Variants in ZC3H4 observed in about 807,000 individuals in gnomAD.
ZC3H4 encodes the protein zinc finger CCCH-type containing 4, also known as zinc finger CCCH domain-containing protein 4.
A neutral mutation model predicts 108.3 loss-of-function variants in ZC3H4; 13 were observed. The observed-to-expected ratio is 0.12, with a 90% confidence interval of 0.08 to 0.19. ZC3H4 has a LOEUF of 0.19. Ranked by LOEUF, ZC3H4 falls within the 10% of genes least tolerant of loss-of-function variation. ZC3H4 has a pLI of 1.00. For missense variants in ZC3H4, 1,734 were observed against 1,838.8 expected (o/e 0.94, Z 1.04); for synonymous variants, 917 against 749.6 (o/e 1.22, Z -3.65).
intron 14 of ZC3H4, among the ~76,000 whole-genome samples, chr19:47,068,861 A>C (rs2057269750): frequency 6.6e-6 from 1 of 151,584 alleles, no homozygotes; most frequent in Non-Finnish European, 1.5e-5. Context: ...CCTCCATCCT[A>C]CTCCATGGGA....
In ZC3H4 at chr19:47,072,050, C is replaced by T; in HGVS notation, c.1874G>A (p.Gly625Asp). 6.3e-7 allele frequency: 1 copy of T among 1,584,328 alleles called. No homozygotes were observed. Among genetic ancestry groups the T allele is most frequent in the Non-Finnish European group, 8.6e-7 (1 of 1,165,038 alleles). The change falls in exon 13 of 15, where the codon GGC becomes GAC. Residue 625 changes from glycine (G) to aspartate (D), a missense_variant. Gly to Asp is a moderately conservative substitution (Grantham distance 94). Transcript: ENST00000253048. The surrounding 1 kb of genome is among the most constrained non-coding windows in gnomAD (Gnocchi z 5.6). ...GTGCATGTCAGGATGCATTGGACCG[C>T]CCATTGGCCCTGGGGGTCCCATGTT... ...GPNMGPPGPM[G>D]GPMHPDMHPD...
intron 13 of ZC3H4, among the ~76,000 whole-genome samples, chr19:47,070,389 G>A (rs781339829): frequency 5.3e-5 from 8 of 152,168 alleles, no homozygotes; most frequent in East Asian, 3.8e-4. Flanking sequence ...CCAGACAGCC[G>A]AGGGTCCCCC....
chr19:47,083,845 A>C (rs1482642735), intron 9 of ZC3H4, among the ~76,000 whole-genome samples: 1 of 152,182 alleles, frequency 6.6e-6, no homozygotes, highest in East Asian at 1.9e-4. Context: ...CTGGGGTAAG[A>C]AGCTGCCGGC....
intron 2 of ZC3H4, chr19:47,097,109 C>T (rs1206968658): frequency 3.4e-6 from 2 of 584,730 alleles, no homozygotes; most frequent in Non-Finnish European, 4.3e-6. Flanking sequence ...AGAAAGGAAT[C>T]ACCAAGGTAG....
chr19:47,081,707 T>G (rs557249252), intron 10 of ZC3H4, 85 bp from the exon 11 acceptor site: 3 of 1,194,706 alleles, frequency 2.5e-6, no homozygotes, highest in Non-Finnish European at 3.7e-6. Context: ...CCAGCTCCCT[T>G]TGTTTTGGAG....
At chr19:47,071,340 GA>G (rs899519771) in intron 13 of ZC3H4, among the ~76,000 whole-genome samples, 1 of 151,928 alleles carries the variant, frequency 6.6e-6, no homozygotes, top group African/African-American at 2.4e-5. Flanking sequence ...AATGCAAAAG[GA>G]AAAAAAGGCA....
intron 2 of ZC3H4, among the ~76,000 whole-genome samples, chr19:47,109,505 T>C (rs1316052562): frequency 6.6e-6 from 1 of 152,194 alleles, no homozygotes; most frequent in African/African-American, 2.4e-5. Context: ...ATGGGAAACT[T>C]CAAATAAGTG....
At chr19:47,099,064 A>C (rs1161731334) in intron 2 of ZC3H4, among the ~76,000 whole-genome samples, 3 of 152,218 alleles carry the variant, frequency 2.0e-5, no homozygotes, top group South Asian at 2.1e-4. Flanking sequence ...ACAAAGGAAG[A>C]AGCAGCTGTT....
intron 4 of ZC3H4, among the ~76,000 whole-genome samples, chr19:47,093,215 C>CA (rs918382221): frequency 0.097 from 4,574 of 47,074 alleles, 233 homozygotes; most frequent in African/African-American, 0.13. Context: ...GACTCTGCCT[C>CA]AAAAAAAAAA....
intron 2 of ZC3H4, among the ~76,000 whole-genome samples, chr19:47,109,970 G>A (rs755637608): frequency 1.3e-5 from 2 of 152,266 alleles, no homozygotes; most frequent in African/African-American, 2.4e-5. Flanking sequence ...GGGGGCTGGA[G>A]GAGGTGTTCC....
intron 2 of ZC3H4, among the ~76,000 whole-genome samples, chr19:47,096,321 T>C (rs933601362): frequency 1.3e-5 from 2 of 152,192 alleles, no homozygotes; most frequent in Admixed American, 1.3e-4. Context: ...CTTCCCCGAC[T>C]AGCAAACTTG....
intron 9 of ZC3H4, among the ~76,000 whole-genome samples, chr19:47,082,611 G>A (rs1251469069): frequency 6.6e-6 from 1 of 152,134 alleles, no homozygotes; most frequent in African/African-American, 2.4e-5. Flanking sequence ...CCAAGCCTGG[G>A]TACTTCCTGA....
intron 5 of ZC3H4, among the ~76,000 whole-genome samples, chr19:47,087,738 G>A (rs2057656397): frequency 6.6e-6 from 1 of 152,126 alleles, no homozygotes; most frequent in Non-Finnish European, 1.5e-5. Context: ...GCCAGGCATG[G>A]TGGTGCAGGC....
At chr19:47,098,786 A>G (rs1382808905) in intron 2 of ZC3H4, among the ~76,000 whole-genome samples, 2 of 152,176 alleles carry the variant, frequency 1.3e-5, no homozygotes, top group Admixed American at 6.5e-5. Flanking sequence ...ACAAAACAAA[A>G]GATATTTCAT....
intron 8 of ZC3H4, 39 bp from the exon 9 acceptor site, chr19:47,084,494 G>A (rs1568547592): frequency 6.2e-7 from 1 of 1,604,118 alleles, no homozygotes. Flanking sequence ...GGGAATGAAA[G>A]GGAAGGGTAG....
At chr19:47,068,654 A>C (rs2057265449) in intron 14 of ZC3H4, among the ~76,000 whole-genome samples, 2 of 152,312 alleles carry the variant, frequency 1.3e-5, no homozygotes, top group South Asian at 4.1e-4. Context: ...GGACACCACT[A>C]AGTCAACCAT....
intron 2 of ZC3H4, among the ~76,000 whole-genome samples, chr19:47,103,538 C>T (rs957454244): frequency 2.6e-5 from 4 of 152,096 alleles, no homozygotes; most frequent in Non-Finnish European, 4.4e-5. Flanking sequence ...AATCTCATTA[C>T]TTTGGGAGGA....
rs551246906 is a variant in ZC3H4, at chr19:47,094,382, G to A, written c.381+7C>T. ...GCAGTGGCAGTCCCAGGGGATCTCC[G>A]ACCTACTTTGTGCTTGGATTTCCTC... On this transcript the variant is annotated splice_region_variant and intron_variant, in intron 3 of 14. Transcript: ENST00000253048. The A allele has an allele frequency of 5.6e-6, 9 of 1,613,706 alleles. No homozygotes were observed. The highest frequency in any genetic ancestry group is 7.6e-6 in the Non-Finnish European group (9 of 1,179,978).
At chr19:47,069,014 C>G (rs1250593098) in intron 14 of ZC3H4, 78 bp downstream of exon 14, 5 of 1,588,382 alleles carry the variant, frequency 3.1e-6, no homozygotes, top group Non-Finnish European at 4.3e-6. Context: ...GGAAACCCAA[C>G]CTGGAACACC....
Sources: gnomAD v4.1 joint callset for allele counts (sites outside exome capture counted in the v4.1 genomes callset) on GRCh38, gnomAD v4.1.1 for gene constraint, Gnocchi (gnomAD v3.1) non-coding constraint, MANE v1.5 for transcripts, NCBI Gene and HGNC (gene_info 2026-07-23, HGNC 2026-07-21) for gene names.